The following SLC24A2 variants were observed in gnomAD, a reference collection of about 807,000 sequenced individuals.
The protein encoded by SLC24A2 is sodium/potassium/calcium exchanger 2.
In SLC24A2, 36 loss-of-function variants were observed where a neutral mutation model predicts 62.0. That is an observed-to-expected ratio of 0.58 (90% CI 0.44 to 0.77). The LOEUF is 0.77. Among genes scored for constraint, SLC24A2 ranks in the 30% least tolerant of loss-of-function variants. The probability of loss-of-function intolerance (pLI) is 0.00; values close to 1 mark genes in which losing one functional copy is unlikely to be tolerated. For missense variants in SLC24A2, 846 were observed against 817.9 expected, an observed-to-expected ratio of 1.03 and a Z score of -0.42; for synonymous variants, 358 against 294.0, an observed-to-expected ratio of 1.22 and a Z score of -2.23.
intron 2 of SLC24A2, among the ~76,000 whole-genome samples, chr9:19,708,254 G>C (rs1340508211): frequency 6.6e-6 from 1 of 152,122 alleles, no homozygotes; most frequent in Admixed American, 6.6e-5. Flanking sequence ...GGAAATAAAA[G>C]AGGATACAAA....
chr9:19,575,308 CTCTGTTTGGAGAATTCT>C (rs1835974967), intron 6 of SLC24A2, among the ~76,000 whole-genome samples: 1 of 152,138 alleles, frequency 6.6e-6, no homozygotes, highest in South Asian at 2.1e-4. Context: ...GTGAATAAAA[CTCTGTTTGGAGAATTCT>C]ATTGGCTGAT....
At chr9:19,829,773 G>A in the SLC24A2 span, among the ~76,000 whole-genome samples, 385 of 20,814 alleles carry the variant, frequency 0.018, 1 homozygote, top group African/African-American at 0.032. Context: ...ATATGTGTGT[G>A]TGTGTGTGTG....
chr9:19,549,786 G>A (rs1644942264), intron 8 of SLC24A2, among the ~76,000 whole-genome samples: 1 of 152,154 alleles, frequency 6.6e-6, no homozygotes, highest in South Asian at 2.1e-4. Context: ...TCCACAATGT[G>A]CCCTATTCAA....
the SLC24A2 span, among the ~76,000 whole-genome samples, chr9:20,074,504 T>G: frequency 6.6e-6 from 1 of 151,276 alleles, no homozygotes; most frequent in South Asian, 2.1e-4. Context: ...TTGGCAGTTC[T>G]TATTAGGTCA....
At chr9:19,586,301 T>C (rs1586998884) in intron 5 of SLC24A2, among the ~76,000 whole-genome samples, 1 of 152,294 alleles carries the variant, frequency 6.6e-6, no homozygotes, top group East Asian at 1.9e-4. Context: ...GTGCCCTCAA[T>C]GCTCACTGCC....
At chr9:20,281,486 C>A in the SLC24A2 span, among the ~76,000 whole-genome samples, 1 of 152,164 alleles carries the variant, frequency 6.6e-6, no homozygotes, top group African/African-American at 2.4e-5. Context: ...TCGGTCACTA[C>A]TCTCCCACAA....
chr9:19,744,135 A>G (rs2118779419), intron 2 of SLC24A2, among the ~76,000 whole-genome samples: 1 of 152,028 alleles, frequency 6.6e-6, no homozygotes, highest in Middle Eastern at 3.4e-3. Context: ...ACTTTCTCTT[A>G]TTTTCCCTAG....
chr9:19,731,897 A>G (rs1350749714), intron 2 of SLC24A2, among the ~76,000 whole-genome samples: 1 of 152,114 alleles, frequency 6.6e-6, no homozygotes, highest in Non-Finnish European at 1.5e-5. Context: ...CGTAACCTAT[A>G]CATTGTGAGC....
the SLC24A2 span, among the ~76,000 whole-genome samples, chr9:19,861,282 C>T: frequency 6.6e-6 from 1 of 152,126 alleles, no homozygotes; most frequent in Non-Finnish European, 1.5e-5. Flanking sequence ...GAGAAGAAAA[C>T]AAAAGTCTCT....
At chr9:19,543,597 C>T (rs1291827597) in intron 8 of SLC24A2, among the ~76,000 whole-genome samples, 1 of 152,170 alleles carries the variant, frequency 6.6e-6, no homozygotes, top group East Asian at 1.9e-4. Flanking sequence ...CTACACAGTG[C>T]TTTAAATGTG....
At chr9:19,560,924 GA>G (rs1563965524) in intron 7 of SLC24A2, among the ~76,000 whole-genome samples, 2 of 108,398 alleles carry the variant, frequency 1.8e-5, no homozygotes, top group African/African-American at 7.2e-5. Flanking sequence ...TATAGAGAGA[GA>G]GAGAGAGAGA....
intron 8 of SLC24A2, among the ~76,000 whole-genome samples, chr9:19,533,700 C>T (rs1375282655): frequency 6.6e-6 from 1 of 152,198 alleles, no homozygotes; most frequent in Non-Finnish European, 1.5e-5. Context: ...AGCAGCTGAA[C>T]TGTCCAGCTG....
chr9:19,704,752 A>G (rs1478018756), intron 2 of SLC24A2, among the ~76,000 whole-genome samples: 7 of 152,090 alleles, frequency 4.6e-5, no homozygotes, highest in Non-Finnish European at 7.4e-5. Context: ...AGGTCTGTGT[A>G]ACCTTCATGT....
At chr9:20,131,223 A>G in the SLC24A2 span, among the ~76,000 whole-genome samples, 2 of 152,052 alleles carry the variant, frequency 1.3e-5, no homozygotes, top group Non-Finnish European at 2.9e-5. Context: ...AAAGGCCACA[A>G]TATCATCTCC....
the SLC24A2 span, among the ~76,000 whole-genome samples, chr9:19,840,282 C>T: frequency 6.6e-6 from 1 of 152,070 alleles, no homozygotes; most frequent in Non-Finnish European, 1.5e-5. Context: ...ATTTACGATC[C>T]TTATAACTGC....
At chr9:19,739,615 G>A (rs1030228879) in intron 2 of SLC24A2, among the ~76,000 whole-genome samples, 7 of 152,094 alleles carry the variant, frequency 4.6e-5, no homozygotes, top group African/African-American at 9.7e-5. Flanking sequence ...ATTGATATGC[G>A]GGAAGAAAAG....
intron 2 of SLC24A2, among the ~76,000 whole-genome samples, chr9:19,647,018 A>G (rs1818655165): frequency 6.6e-6 from 1 of 151,426 alleles, no homozygotes; most frequent in South Asian, 2.1e-4. Context: ...ATTTTCCCAG[A>G]TAAAATTAAT....
chr9:19,851,837 T>C, the SLC24A2 span, among the ~76,000 whole-genome samples: 2 of 152,196 alleles, frequency 1.3e-5, no homozygotes, highest in Non-Finnish European at 1.5e-5. Flanking sequence ...TTCCTTTGGG[T>C]ATATACCCAG....
the SLC24A2 span, among the ~76,000 whole-genome samples, chr9:19,881,948 C>T: frequency 1.3e-5 from 2 of 152,168 alleles, no homozygotes; most frequent in Admixed American, 6.5e-5. Context: ...ATTTTTTTCA[C>T]AAATGTCATT....
Sources: gnomAD v4.1 joint callset for allele counts (sites outside exome capture counted in the v4.1 genomes callset) on GRCh38, gnomAD v4.1.1 for gene constraint, MANE v1.5 for transcripts, NCBI Gene and HGNC (gene_info 2026-07-23, HGNC 2026-07-21) for gene names.